DGKI: variants seen among roughly 807,000 people sequenced by gnomAD.
DGKI encodes the protein diacylglycerol kinase iota, also known as DAG kinase iota.
Under a neutral mutation model 147.5 loss-of-function variants are expected in DGKI, and 55 were observed. The observed-to-expected ratio is 0.37, with a 90% CI of 0.30 to 0.47. The LOEUF (loss-of-function observed/expected upper bound fraction) is 0.47. Ranked by LOEUF, DGKI falls within the 20% of genes least tolerant of loss-of-function variation. DGKI has a pLI of 1.00. For missense variants in DGKI, 1,007 were observed against 1,323.8 expected, an observed-to-expected ratio of 0.76 and a Z score of 3.71; for synonymous variants, 469 against 477.1, an observed-to-expected ratio of 0.98 and a Z score of 0.22.
chr7:137,768,366 T>C (rs1796079905), intron 1 of DGKI, among the ~76,000 whole-genome samples: 1 of 152,010 alleles, frequency 6.6e-6, no homozygotes, highest in African/African-American at 2.4e-5. Context: ...GACTCAATAG[T>C]GGGGAGGGAG....
intron 28 of DGKI, among the ~76,000 whole-genome samples, chr7:137,420,587 G>A (rs911457945): frequency 1.1e-4 from 17 of 151,516 alleles, no homozygotes; most frequent in African/African-American, 4.1e-4. Flanking sequence ...TAAAAAGGAT[G>A]AAAACTGCTT....
intron 27 of DGKI, among the ~76,000 whole-genome samples, chr7:137,454,359 ATG>A (rs1311939816): frequency 6.6e-6 from 1 of 152,196 alleles, no homozygotes; most frequent in Non-Finnish European, 1.5e-5. Flanking sequence ...AGTCGCCTGA[ATG>A]TCTTTCGAGT....
chr7:137,740,352 G>C (rs185044957), intron 1 of DGKI, among the ~76,000 whole-genome samples: 21 of 152,142 alleles, frequency 1.4e-4, no homozygotes, highest in Admixed American at 1.4e-3. Flanking sequence ...CAGATGTTTG[G>C]TGTGAGGAAT....
chr7:137,579,959 C>A (rs970385773), intron 15 of DGKI, among the ~76,000 whole-genome samples: 1 of 152,044 alleles, frequency 6.6e-6, no homozygotes, highest in African/African-American at 2.4e-5. Context: ...TCTTCTAAGC[C>A]TGGTCTTCCC....
At chr7:137,678,930 A>T (rs1252747068) in intron 2 of DGKI, among the ~76,000 whole-genome samples, 2 of 152,214 alleles carry the variant, frequency 1.3e-5, no homozygotes, top group Non-Finnish European at 2.9e-5. Flanking sequence ...TCAACAAATG[A>T]GGAAAAAACA....
Position 137,552,248 on chromosome 7 carries a change from C to T in DGKI, c.2147+121G>A, listed in dbSNP as rs1293097719. 2.3e-5 allele frequency: 22 copies of T among 953,484 alleles called. No individual in the cohort carries two copies. In the South Asian group the frequency reaches 3.1e-4, roughly 13 times the overall value. 59.1% of individuals were successfully genotyped at this position (953,484 alleles called of 1,614,324 possible). ...TCCTATGAGAGAAACCAAGGAACTA[C>T]TGAGTCTCCTGGACTTTTTTCCTCT... On this transcript the variant is annotated intron_variant, in intron 20 of 32. Transcript: ENST00000614521.
At chr7:137,725,259 A>G (rs1435040879) in intron 1 of DGKI, among the ~76,000 whole-genome samples, 1 of 152,214 alleles carries the variant, frequency 6.6e-6, no homozygotes, top group Non-Finnish European at 1.5e-5. Flanking sequence ...AGAAGTGATA[A>G]ATCAGTGGAA....
intron 1 of DGKI, among the ~76,000 whole-genome samples, chr7:137,799,027 T>C (rs1046024002): frequency 6.6e-6 from 1 of 152,154 alleles, no homozygotes; most frequent in African/African-American, 2.4e-5. Flanking sequence ...GGACATCTAT[T>C]TTTTTAAAAA....
At chr7:137,618,151 A>ATATATATATATATATATATATTTTTTTT in intron 8 of DGKI, among the ~76,000 whole-genome samples, 5 of 10,456 alleles carry the variant, frequency 4.8e-4, no homozygotes, top group African/African-American at 6.2e-4. Flanking sequence ...ATATATATAT[A>ATATATATATATATATATATATTTTTTTT]TTTTTTTTTT....
intron 9 of DGKI, 100 bp from the exon 10 acceptor site, chr7:137,609,164 T>A: frequency 1.2e-6 from 1 of 862,176 alleles, no homozygotes; most frequent in Non-Finnish European, 1.8e-6. Flanking sequence ...ACATTTTGTT[T>A]CCCAGGGCTG....
intron 23 of DGKI, among the ~76,000 whole-genome samples, chr7:137,478,103 G>C (rs1044986101): frequency 3.3e-5 from 5 of 152,154 alleles, no homozygotes; most frequent in African/African-American, 1.2e-4. Context: ...CAGAAGTCTA[G>C]AATTACGTAC....
At chr7:137,776,767 A>G (rs1796374641) in intron 1 of DGKI, among the ~76,000 whole-genome samples, 1 of 152,208 alleles carries the variant, frequency 6.6e-6, no homozygotes, top group Non-Finnish European at 1.5e-5. Flanking sequence ...TTTGTGATAA[A>G]TGACAGATAT....
At chr7:137,639,593 G>T (rs139613572) in intron 6 of DGKI, among the ~76,000 whole-genome samples, 1 of 152,116 alleles carries the variant, frequency 6.6e-6, no homozygotes, top group African/African-American at 2.4e-5. Flanking sequence ...CCCCGTGCAG[G>T]TCATCTGGGT....
At chr7:137,789,796 T>C (rs1796793890) in intron 1 of DGKI, among the ~76,000 whole-genome samples, 1 of 152,176 alleles carries the variant, frequency 6.6e-6, no homozygotes, top group Non-Finnish European at 1.5e-5. Context: ...TAAGGAGTTA[T>C]TTCAACATAC....
At chr7:137,517,986 G>A (rs970861151) in intron 21 of DGKI, among the ~76,000 whole-genome samples, 1 of 152,046 alleles carries the variant, frequency 6.6e-6, no homozygotes, top group Non-Finnish European at 1.5e-5. Flanking sequence ...AAGTGAGTTG[G>A]AGGGTGGTGG....
In DGKI at chr7:137,390,865, TA is replaced by T. The variant is rs1811333271; in HGVS notation, c.*354del. The T allele has an allele frequency of 4.1e-6, 1 of 246,720 alleles. No individual in the cohort carries two copies. The highest frequency in any genetic ancestry group is 5.1e-5 in the South Asian group (1 of 19,482). The allele number at this position is 246,720 out of a possible 1,614,324, so 15.3% of individuals were successfully genotyped here. Reference sequence around the variant, plus strand: ...TGGTACAGGGAAAAAAACCAATGCATAGGGGGAGGATGGAGCAGTGCCATTT... The same window carrying T: ...TGGTACAGGGAAAAAAACCAATGCATGGGGGAGGATGGAGCAGTGCCATTT... On this transcript the variant is annotated 3_prime_UTR_variant, in exon 33 of 33. Coordinates refer to ENST00000614521, the MANE Select transcript of DGKI (RefSeq NM_001321708.2).
At chr7:137,432,467 C>T (rs1334027919) in intron 28 of DGKI, among the ~76,000 whole-genome samples, 1 of 152,194 alleles carries the variant, frequency 6.6e-6, no homozygotes, top group East Asian at 1.9e-4. Context: ...CTCTTGCACA[C>T]TTCATCTCTT....
intron 1 of DGKI, among the ~76,000 whole-genome samples, chr7:137,752,648 C>T (rs1242452261): frequency 6.6e-6 from 1 of 152,140 alleles, no homozygotes; most frequent in East Asian, 1.9e-4. Flanking sequence ...CTGTTCCATT[C>T]TGATTACCAG....
At chr7:137,776,698 G>A (rs1235453717) in intron 1 of DGKI, among the ~76,000 whole-genome samples, 2 of 152,124 alleles carry the variant, frequency 1.3e-5, no homozygotes, top group Non-Finnish European at 2.9e-5. Flanking sequence ...TTGGTACAGG[G>A]CAACTTAATG....
Sources: allele counts gnomAD v4.1 joint callset (sites outside exome capture counted in the v4.1 genomes callset), GRCh38; gene constraint gnomAD v4.1.1; transcripts MANE v1.5; gene names NCBI Gene and HGNC (gene_info 2026-07-23, HGNC 2026-07-21).